Variants in TASP1 observed in about 807,000 individuals in gnomAD.
The protein encoded by TASP1 is threonine aspartase 1.
A neutral mutation model predicts 56.6 loss-of-function variants in TASP1; 16 were observed. The observed-to-expected ratio is 0.28, with a 90% CI of 0.19 to 0.43. The LOEUF (loss-of-function observed/expected upper bound fraction) is 0.43. TASP1 is among the 20% of genes least tolerant of loss of function. TASP1 has a pLI of 1.00. For synonymous variants in TASP1, 179 were observed against 184.2 expected (o/e 0.97, Z 0.23); for missense variants, 393 against 511.6 (o/e 0.77, Z 2.24).
chr20:13,531,121 G>C (rs1454358112), intron 9 of TASP1, among the ~76,000 whole-genome samples: 2 of 152,164 alleles, frequency 1.3e-5, no homozygotes, highest in Admixed American at 1.3e-4. Context: ...AGCTATAGCT[G>C]TTATTACTAG....
At chr20:13,365,275 A>T in the TASP1 span, among the ~76,000 whole-genome samples, 2 of 152,200 alleles carry the variant, frequency 1.3e-5, no homozygotes, top group Non-Finnish European at 2.9e-5. Context: ...ATTCTGTGCC[A>T]GGAATTATCC....
the TASP1 span, chr20:13,270,873 AT>A: frequency 1.2e-6 from 1 of 823,610 alleles, no homozygotes; most frequent in Non-Finnish European, 1.9e-6. Context: ...GCTTAAGATC[AT>A]GTTATCTCCA....
intron 4 of TASP1, among the ~76,000 whole-genome samples, chr20:13,610,700 T>C (rs1161236427): frequency 1.3e-5 from 2 of 152,214 alleles, no homozygotes; most frequent in Non-Finnish European, 2.9e-5. Context: ...AAGTTTTTTT[T>C]TTAAAGAGTC....
the TASP1 span, among the ~76,000 whole-genome samples, chr20:13,267,098 A>G: frequency 6.6e-6 from 1 of 152,224 alleles, no homozygotes; most frequent in African/African-American, 2.4e-5. Context: ...GTTTCATTCT[A>G]TATGAGCCAT....
At chr20:13,316,278 T>G in the TASP1 span, among the ~76,000 whole-genome samples, 1 of 151,950 alleles carries the variant, frequency 6.6e-6, no homozygotes, top group Non-Finnish European at 1.5e-5. Flanking sequence ...CTATATCTAT[T>G]AAGGAAATTG....
At chr20:13,505,819 A>T (rs2044109157) in intron 10 of TASP1, among the ~76,000 whole-genome samples, 1 of 152,100 alleles carries the variant, frequency 6.6e-6, no homozygotes, top group South Asian at 2.1e-4. Context: ...AAGACCTTAA[A>T]CAAACAACCT....
the TASP1 span, among the ~76,000 whole-genome samples, chr20:13,189,348 T>C: frequency 6.6e-6 from 1 of 152,176 alleles, no homozygotes; most frequent in Non-Finnish European, 1.5e-5. Flanking sequence ...CAGAAGAAAC[T>C]GTCAACAGAG....
the TASP1 span, among the ~76,000 whole-genome samples, chr20:13,152,857 C>G: frequency 1.3e-5 from 2 of 152,152 alleles, no homozygotes; most frequent in African/African-American, 2.4e-5. Flanking sequence ...TAAGAAGGGA[C>G]CAGATGACTA....
chr20:13,465,386 G>A (rs1473659682), intron 11 of TASP1, among the ~76,000 whole-genome samples: 1 of 151,900 alleles, frequency 6.6e-6, no homozygotes, highest in Admixed American at 6.6e-5. Flanking sequence ...CCTTGCTACT[G>A]GGAATATGAC....
Position 13,389,901 on chromosome 20 carries a change from T to C in TASP1, c.*459A>G, listed in dbSNP as rs561096603. On this transcript the variant is annotated 3_prime_UTR_variant, in exon 14 of 14. Transcript: ENST00000337743. The stretch of plus-strand genomic sequence containing the variant: ...TTATTACTGTTATTAAATGGAGCAC[T>C]ACCACTGTCAAGTCATTTAAACAAG... 6.2e-6 allele frequency: 1 copy of C among 161,204 alleles called. No homozygotes were observed. Among genetic ancestry groups the C allele is most frequent in the Non-Finnish European group, 1.4e-5 (1 of 73,076 alleles). 10.0% of individuals were successfully genotyped at this position (161,204 alleles called of 1,614,324 possible).
chr20:13,489,405 T>C (rs988670474), intron 10 of TASP1, among the ~76,000 whole-genome samples: 1 of 152,048 alleles, frequency 6.6e-6, no homozygotes, highest in Non-Finnish European at 1.5e-5. Flanking sequence ...CATATCTGAC[T>C]AAATCCAACT....
At chr20:13,475,689 G>GT (rs1397305125) in intron 11 of TASP1, among the ~76,000 whole-genome samples, 3 of 152,148 alleles carry the variant, frequency 2.0e-5, no homozygotes, top group Non-Finnish European at 4.4e-5. Context: ...GAGGTCAGGA[G>GT]TTTGAGACCA....
the TASP1 span, among the ~76,000 whole-genome samples, chr20:13,235,927 C>T: frequency 1.3e-5 from 2 of 149,654 alleles, no homozygotes; most frequent in South Asian, 2.1e-4. Context: ...TTGTACTTCC[C>T]TTTTTTCTTT....
chr20:13,170,196 G>A, the TASP1 span, among the ~76,000 whole-genome samples: 1 of 152,162 alleles, frequency 6.6e-6, no homozygotes, highest in Admixed American at 6.5e-5. Context: ...ATCTTGGAAG[G>A]CAAGTATATT....
chr20:13,442,496 A>G (rs1275380698), intron 11 of TASP1, among the ~76,000 whole-genome samples: 1 of 151,996 alleles, frequency 6.6e-6, no homozygotes, highest in Non-Finnish European at 1.5e-5. Context: ...TACAAAAATT[A>G]GCCTGGCATG....
At chr20:13,595,565 G>A (rs998931883) in intron 4 of TASP1, among the ~76,000 whole-genome samples, 2 of 151,990 alleles carry the variant, frequency 1.3e-5, no homozygotes, top group African/African-American at 4.8e-5. Context: ...AAAAAAGCAG[G>A]GGTTGCAATC....
the TASP1 span, chr20:13,159,918 T>C: frequency 1.4e-6 from 2 of 1,425,290 alleles, no homozygotes; most frequent in Admixed American, 4.7e-5. Context: ...AAAAAATCAA[T>C]TAGCCATATT....
At chr20:13,268,780 T>C in the TASP1 span, among the ~76,000 whole-genome samples, 2 of 152,086 alleles carry the variant, frequency 1.3e-5, no homozygotes. Flanking sequence ...CTGGGCTTGG[T>C]GGAACGTGCC....
intron 11 of TASP1, among the ~76,000 whole-genome samples, chr20:13,477,028 T>G (rs1295747038): frequency 6.6e-6 from 1 of 152,174 alleles, no homozygotes; most frequent in African/African-American, 2.4e-5. Context: ...ATTATATTTT[T>G]TAAATATTCT....
Sources: gnomAD v4.1 joint callset for allele counts (sites outside exome capture counted in the v4.1 genomes callset) on GRCh38, gnomAD v4.1.1 for gene constraint, MANE v1.5 for transcripts, NCBI Gene and HGNC (gene_info 2026-07-23, HGNC 2026-07-21) for gene names.